Variants in EYS observed in about 807,000 individuals in gnomAD.
EYS encodes protein eyes shut homolog.
A neutral mutation model predicts 282.1 loss-of-function variants in EYS; 250 were observed. That is an observed-to-expected ratio of 0.89 (90% CI 0.80 to 0.98). The LOEUF (loss-of-function observed/expected upper bound fraction) is 0.98, where lower values mean the gene tolerates loss of function less well. EYS is among the 50% of genes least tolerant of loss of function. The probability of loss-of-function intolerance (pLI) is 0.00; values close to 1 mark genes in which losing one functional copy is unlikely to be tolerated. For synonymous variants in EYS, 1,355 were observed against 1,282.9 expected (o/e 1.06, Z -1.20); for missense variants, 4,016 against 3,709.0 (o/e 1.08, Z -2.15).
intron 11 of EYS, among the ~76,000 whole-genome samples, chr6:65,323,437 G>C (rs1337903185): frequency 6.6e-6 from 1 of 152,102 alleles, no homozygotes; most frequent in East Asian, 1.9e-4. Flanking sequence ...TGAAGACAAG[G>C]TGTTCTTACA....
intron 30 of EYS, among the ~76,000 whole-genome samples, chr6:64,254,840 C>G (rs1175678718): frequency 2.0e-5 from 3 of 151,978 alleles, no homozygotes; most frequent in African/African-American, 7.3e-5. Context: ...GAGGAAATGA[C>G]CTTGCAGAAG....
intron 12 of EYS, among the ~76,000 whole-genome samples, chr6:65,147,399 G>T (rs940467863): frequency 1.3e-5 from 2 of 151,918 alleles, no homozygotes; most frequent in Admixed American, 6.6e-5. Context: ...AGGGATATTA[G>T]AATTTTCGAT....
intron 5 of EYS, among the ~76,000 whole-genome samples, chr6:65,480,418 T>C (rs573980800): frequency 8.5e-5 from 13 of 152,192 alleles, no homozygotes; most frequent in Non-Finnish European, 1.6e-4. Flanking sequence ...CATTGACATT[T>C]TCATGAATAA....
chr6:63,761,974 C>A (rs771270360), intron 41 of EYS, among the ~76,000 whole-genome samples: 5 of 152,026 alleles, frequency 3.3e-5, no homozygotes, highest in Non-Finnish European at 7.4e-5. Context: ...AGAGGCACTA[C>A]CATAAGTTGC....
rs949992780 is a variant in EYS at position 63,986,677 on chromosome 6, C to T, written c.6835-2074G>A. On this transcript the variant is annotated intron_variant, in intron 34 of 42. Coordinates refer to ENST00000503581, the MANE Select transcript of EYS (RefSeq NM_001142800.2). The stretch of plus-strand genomic sequence containing the variant: ...TATCCTCAGCAAACTAATGAAGGAT[C>T]GGAAAACCAAATGCAGCATGATTCT... Among the ~76,000 whole-genome samples, 17 of 151,764 alleles carry T rather than the reference C, an allele frequency of 1.1e-4. No homozygotes were observed. The East Asian group carries it at 1.8e-3, about 16-fold the overall frequency.
At chr6:64,594,143 T>C (rs1342437734) in intron 24 of EYS, among the ~76,000 whole-genome samples, 3 of 152,192 alleles carry the variant, frequency 2.0e-5, no homozygotes, top group Non-Finnish European at 4.4e-5. Flanking sequence ...GGGTGGTGGT[T>C]GTTTCACAGT....
chr6:64,770,399 T>C (rs1419646848), intron 22 of EYS, among the ~76,000 whole-genome samples: 1 of 151,984 alleles, frequency 6.6e-6, no homozygotes, highest in Middle Eastern at 3.2e-3. Flanking sequence ...TTTCAAACAG[T>C]CGTATTCAGA....
chr6:64,410,609 G>T (rs1322132972), intron 28 of EYS, among the ~76,000 whole-genome samples: 1 of 152,076 alleles, frequency 6.6e-6, no homozygotes, highest in Non-Finnish European at 1.5e-5. Context: ...TTAAATCTAA[G>T]AAGCCCAATT....
chr6:64,714,535 T>G (rs1771315953), intron 22 of EYS, among the ~76,000 whole-genome samples: 1 of 147,420 alleles, frequency 6.8e-6, no homozygotes. Flanking sequence ...TTTTTTTTTT[T>G]TTTTTTTTGA....
At chr6:64,504,558 T>C (rs1441669741) in intron 26 of EYS, among the ~76,000 whole-genome samples, 1 of 152,172 alleles carries the variant, frequency 6.6e-6, no homozygotes, top group Non-Finnish European at 1.5e-5. Context: ...GAAAACTCAC[T>C]GTCAAGTCAC....
chr6:65,418,164 C>A (rs1023784794), intron 5 of EYS, among the ~76,000 whole-genome samples: 1 of 151,992 alleles, frequency 6.6e-6, no homozygotes, highest in African/African-American at 2.4e-5. Flanking sequence ...GTTGTACATA[C>A]CAGCCTAAGT....
intron 29 of EYS, among the ~76,000 whole-genome samples, chr6:64,383,049 A>C (rs1772800199): frequency 6.6e-6 from 1 of 152,138 alleles, no homozygotes; most frequent in Admixed American, 6.6e-5. Context: ...GCTATTTGGG[A>C]GGCTAAGGTG....
chr6:64,574,524 A>C (rs1216032813), intron 26 of EYS, among the ~76,000 whole-genome samples: 5 of 152,288 alleles, frequency 3.3e-5, no homozygotes, highest in African/African-American at 1.2e-4. Context: ...GAATGCATGA[A>C]TCATAGAGTC....
At chr6:64,470,111 C>T (rs551970044) in intron 26 of EYS, among the ~76,000 whole-genome samples, 4 of 151,942 alleles carry the variant, frequency 2.6e-5, no homozygotes, top group African/African-American at 4.8e-5. Flanking sequence ...TAAATATCAG[C>T]GCAGCCTGGC....
intron 12 of EYS, among the ~76,000 whole-genome samples, chr6:65,293,262 T>TA (rs57370381): frequency 0.47 from 68,952 of 146,472 alleles, 17,641 homozygotes; most frequent in African/African-American, 0.69. Context: ...GAATATTAAC[T>TA]AAAAAAAAAA....
chr6:64,659,251 T>C (rs1768893094), intron 22 of EYS, among the ~76,000 whole-genome samples: 1 of 152,030 alleles, frequency 6.6e-6, no homozygotes, highest in South Asian at 2.1e-4. Context: ...TAGAGGGAAA[T>C]TTATAGCACT....
chr6:64,019,920 A>T (rs977655480), intron 33 of EYS, among the ~76,000 whole-genome samples: 1 of 148,900 alleles, frequency 6.7e-6, no homozygotes, highest in Non-Finnish European at 1.5e-5. Flanking sequence ...TATACAGATA[A>T]TCTGAATGCT....
intron 11 of EYS, among the ~76,000 whole-genome samples, chr6:65,320,680 G>T (rs1478417803): frequency 6.6e-6 from 1 of 152,208 alleles, no homozygotes; most frequent in Non-Finnish European, 1.5e-5. Context: ...GCCAGTTATA[G>T]TTCTGCCAGT....
At chr6:65,215,907 C>G (rs940056686) in intron 12 of EYS, among the ~76,000 whole-genome samples, 2 of 152,138 alleles carry the variant, frequency 1.3e-5, no homozygotes, top group African/African-American at 4.8e-5. Context: ...GCTATACATA[C>G]TGTTTTTGTA....
Sources: allele counts gnomAD v4.1 joint callset (sites outside exome capture counted in the v4.1 genomes callset), GRCh38; gene constraint gnomAD v4.1.1; transcripts MANE v1.5; gene names NCBI Gene and HGNC (gene_info 2026-07-23, HGNC 2026-07-21).